The following CCSER1 variants were observed in gnomAD, a reference collection of about 807,000 sequenced individuals.
The protein encoded by CCSER1 is serine-rich coiled-coil domain-containing protein 1.
In CCSER1, 41 loss-of-function variants were observed where a neutral mutation model predicts 82.0. The ratio of observed to expected loss-of-function variants is 0.50; its 90% CI spans 0.39 to 0.65. CCSER1 has a LOEUF of 0.65. Ranked by LOEUF, CCSER1 falls within the 30% of genes least tolerant of loss-of-function variation. The pLI, the probability that CCSER1 is intolerant of heterozygous loss-of-function variation, is 0.00. For missense variants in CCSER1, 1,119 were observed against 1,064.2 expected, an observed-to-expected ratio of 1.05 and a Z score of -0.72; for synonymous variants, 414 against 383.9, an observed-to-expected ratio of 1.08 and a Z score of -0.92.
At chr4:90,605,126 T>G (rs527717506) in intron 5 of CCSER1, among the ~76,000 whole-genome samples, 2 of 152,324 alleles carry the variant, frequency 1.3e-5, no homozygotes, top group South Asian at 2.1e-4. Context: ...AGCTTCTCTC[T>G]TGAAGCCAGC....
chr4:90,960,196 T>C (rs1733926437), intron 9 of CCSER1, among the ~76,000 whole-genome samples: 1 of 152,116 alleles, frequency 6.6e-6, no homozygotes, highest in Non-Finnish European at 1.5e-5. Flanking sequence ...AAAAAAGGAT[T>C]TTACGTAATG....
At chr4:91,249,661 T>C (rs1740098217) in intron 10 of CCSER1, among the ~76,000 whole-genome samples, 2 of 152,170 alleles carry the variant, frequency 1.3e-5, no homozygotes, top group African/African-American at 4.8e-5. Context: ...TCAGTTTTCA[T>C]CTTTTCCAGA....
At chr4:90,975,513 A>G (rs1307531413) in intron 9 of CCSER1, among the ~76,000 whole-genome samples, 1 of 151,300 alleles carries the variant, frequency 6.6e-6, no homozygotes, top group Non-Finnish European at 1.5e-5. Flanking sequence ...TGTGATTTAT[A>G]TCTCAGTAAA....
chr4:90,822,727 C>CAAAAAAA (rs58985334), intron 8 of CCSER1, among the ~76,000 whole-genome samples: 1 of 76,840 alleles, frequency 1.3e-5, no homozygotes, highest in Non-Finnish European at 2.6e-5. Flanking sequence ...GACTCCATCT[C>CAAAAAAA]AAAAAAAAAA....
intron 7 of CCSER1, among the ~76,000 whole-genome samples, chr4:90,748,800 T>G (rs1260305872): frequency 3.3e-5 from 5 of 150,434 alleles, no homozygotes; most frequent in African/African-American, 9.8e-5. Context: ...ATGATGAGCA[T>G]TTTTTCATGT....
chr4:90,423,879 G>A (rs1041199568), intron 4 of CCSER1, among the ~76,000 whole-genome samples: 12 of 151,512 alleles, frequency 7.9e-5, no homozygotes, highest in Non-Finnish European at 1.5e-4. Flanking sequence ...CAAGGTGGGC[G>A]GATCACCGGG....
chr4:90,289,627 T>C (rs1730553163), intron 1 of CCSER1, among the ~76,000 whole-genome samples: 1 of 152,022 alleles, frequency 6.6e-6, no homozygotes, highest in African/African-American at 2.4e-5. Flanking sequence ...CTCACATAGA[T>C]GCAAATAAGT....
chr4:90,981,489 A>G (rs1356223178), intron 9 of CCSER1, among the ~76,000 whole-genome samples: 2 of 151,860 alleles, frequency 1.3e-5, no homozygotes, highest in Non-Finnish European at 2.9e-5. Context: ...CAAAGCAACC[A>G]TATGATGTTT....
intron 10 of CCSER1, among the ~76,000 whole-genome samples, chr4:91,366,100 C>T (rs1457888527): frequency 6.6e-6 from 1 of 152,158 alleles, no homozygotes; most frequent in African/African-American, 2.4e-5. Flanking sequence ...CTCACTGCAA[C>T]CTCCGCCTCC....
At chr4:91,069,468 T>G (rs1201612492) in intron 9 of CCSER1, among the ~76,000 whole-genome samples, 1 of 152,160 alleles carries the variant, frequency 6.6e-6, no homozygotes, top group Non-Finnish European at 1.5e-5. Flanking sequence ...TAGAGATTTA[T>G]TCATTCAGTT....
chr4:90,408,617 C>T (rs1388326491), intron 4 of CCSER1, among the ~76,000 whole-genome samples: 1 of 152,158 alleles, frequency 6.6e-6, no homozygotes, highest in Non-Finnish European at 1.5e-5. Flanking sequence ...GACATCCACA[C>T]CAACAACCCA....
At chr4:90,576,891 A>T (rs149464661) in intron 5 of CCSER1, among the ~76,000 whole-genome samples, 1 of 152,270 alleles carries the variant, frequency 6.6e-6, no homozygotes, top group African/African-American at 2.4e-5. Context: ...AATACTAAGT[A>T]GTGCAATTGC....
intron 10 of CCSER1, among the ~76,000 whole-genome samples, chr4:91,322,374 A>G (rs1313442957): frequency 6.6e-6 from 1 of 152,032 alleles, no homozygotes; most frequent in Non-Finnish European, 1.5e-5. Context: ...TCTTCCCCAT[A>G]TCCTCTTTAA....
chr4:91,471,583 C>A (rs1341893980), intron 10 of CCSER1, among the ~76,000 whole-genome samples: 1 of 152,142 alleles, frequency 6.6e-6, no homozygotes, highest in African/African-American at 2.4e-5. Context: ...TAGTAAACAG[C>A]TCTCTCACTA....
chr4:91,584,412 G>A (rs1440631879), intron 10 of CCSER1, among the ~76,000 whole-genome samples: 1 of 151,468 alleles, frequency 6.6e-6, no homozygotes, highest in African/African-American at 2.4e-5. Flanking sequence ...TGTTTTTGGA[G>A]GCATTTATTT....
chr4:90,409,973 T>G (rs202192673), intron 4 of CCSER1, among the ~76,000 whole-genome samples: 7 of 151,284 alleles, frequency 4.6e-5, no homozygotes, highest in Admixed American at 1.3e-4. Flanking sequence ...AAGGCAGGGG[T>G]TGCAATCCTA....
chr4:90,967,226 T>C (rs1734651023), intron 9 of CCSER1, among the ~76,000 whole-genome samples: 3 of 151,850 alleles, frequency 2.0e-5, no homozygotes, highest in Admixed American at 1.3e-4. Flanking sequence ...GGTGGGAAGA[T>C]CAGCTGAGGT....
chr4:90,843,540 A>G (rs994766296), intron 8 of CCSER1, among the ~76,000 whole-genome samples: 14 of 152,300 alleles, frequency 9.2e-5, no homozygotes, highest in African/African-American at 3.1e-4. Context: ...TTTTTTTCCT[A>G]TCTCAACATC....
intron 9 of CCSER1, among the ~76,000 whole-genome samples, chr4:90,987,148 G>T (rs1399355188): frequency 1.3e-5 from 2 of 151,424 alleles, no homozygotes; most frequent in Non-Finnish European, 3.0e-5. Flanking sequence ...GGTGCTAAAA[G>T]AATTTAAGCT....
Sources: gnomAD v4.1 joint callset for allele counts (sites outside exome capture counted in the v4.1 genomes callset) on GRCh38, gnomAD v4.1.1 for gene constraint, MANE v1.5 for transcripts, NCBI Gene and HGNC (gene_info 2026-07-23, HGNC 2026-07-21) for gene names.